The following STX8 variants were observed in gnomAD, a reference collection of about 807,000 sequenced individuals.
STX8 encodes syntaxin 8.
STX8 carries 23 observed loss-of-function variants against 37.5 expected under a neutral mutation model. That is an observed-to-expected ratio of 0.61 (90% CI 0.44 to 0.87). STX8 has a LOEUF of 0.87. Ranked by LOEUF, STX8 falls within the 40% of genes least tolerant of loss-of-function variation. The pLI, the probability that STX8 is intolerant of heterozygous loss-of-function variation, is 0.00. For missense variants in STX8, 313 were observed against 284.7 expected (o/e 1.10, Z -0.71); for synonymous variants, 115 against 99.1 (o/e 1.16, Z -0.95).
At chr17:9,380,870 G>A (rs1204473156) in intron 6 of STX8, among the ~76,000 whole-genome samples, 3 of 151,306 alleles carry the variant, frequency 2.0e-5, no homozygotes, top group Non-Finnish European at 2.9e-5. Flanking sequence ...CGCACCACCC[G>A]TAATTTTTGT....
At chr17:9,311,057 T>G (rs976924292) in intron 7 of STX8, among the ~76,000 whole-genome samples, 1 of 151,906 alleles carries the variant, frequency 6.6e-6, no homozygotes, top group Non-Finnish European at 1.5e-5. Flanking sequence ...ACCCACGTGG[T>G]GAAACCGCAT....
chr17:9,418,604 G>A (rs989192946), intron 6 of STX8, among the ~76,000 whole-genome samples: 6 of 151,182 alleles, frequency 4.0e-5, no homozygotes, highest in African/African-American at 1.5e-4. Flanking sequence ...TGAGGCAGGC[G>A]GATCATGAGA....
Position 9,507,747 on chromosome 17 carries a change from A to C in STX8, c.324-2585T>G, listed in dbSNP as rs987614614. ...ATAGCCCGGTGAACACATCCCTGGC[A>C]AAGTCATGCCACCACCACCACAAAG... On this transcript the variant is annotated intron_variant, in intron 4 of 7. Transcript: ENST00000306357. This position sits in a 1 kb window ranked among gnomAD's most constrained non-coding sequence, Gnocchi z 4.0. Among the ~76,000 whole-genome samples, 34 of 152,208 alleles carry C rather than the reference A, an allele frequency of 2.2e-4. No individual in the cohort carries two copies. Among genetic ancestry groups the C allele is most frequent in the African/African-American group, 7.5e-4 (31 of 41,458 alleles).
intron 6 of STX8, among the ~76,000 whole-genome samples, chr17:9,407,083 C>T (rs1413864700): frequency 2.0e-5 from 3 of 152,258 alleles, no homozygotes; most frequent in Middle Eastern, 3.4e-3. Context: ...GAATAATAAA[C>T]AGGTCAATAT....
At chr17:9,283,451 G>T (rs1234053275) in intron 7 of STX8, among the ~76,000 whole-genome samples, 1 of 152,190 alleles carries the variant, frequency 6.6e-6, no homozygotes, top group Non-Finnish European at 1.5e-5. Flanking sequence ...TGAGGCAGGA[G>T]AATCACTGAA....
At chr17:9,452,812 TC>T (rs142797715) in intron 6 of STX8, among the ~76,000 whole-genome samples, 37,481 of 149,342 alleles carry the variant, frequency 0.25, 5,987 homozygotes, top group East Asian at 0.69. Flanking sequence ...TGTTTTTTTT[TC>T]TTTTTAGACA....
chr17:9,252,621 A>AAAAG (rs1555582807), intron 7 of STX8, among the ~76,000 whole-genome samples: 8 of 151,632 alleles, frequency 5.3e-5, no homozygotes, highest in African/African-American at 1.7e-4. Flanking sequence ...AAAAAAAAAA[A>AAAAG]AAAAGAAAAC....
Position 9,568,233 on chromosome 17 carries a change from G to A in STX8, c.117+138C>T, listed in dbSNP as rs921664274. The A allele has an allele frequency of 8.2e-6, 5 of 609,044 alleles. No homozygotes were observed. In the African/African-American group the frequency reaches 9.3e-5, roughly 11 times the overall value. 37.7% of individuals were successfully genotyped at this position (609,044 alleles called of 1,614,324 possible). ...TTACATCACTACTAACTGGTTGGGT[G>A]TTATGTCAATTCAACATATGTAAGC... is the stretch of plus-strand genomic sequence containing the variant. On this transcript the variant is annotated intron_variant, in intron 2 of 7. Transcript: ENST00000306357.
At chr17:9,545,086 T>C in intron 4 of STX8, 86 bp downstream of exon 4, 1 of 789,194 alleles carries the variant, frequency 1.3e-6, no homozygotes, top group East Asian at 2.5e-5. Context: ...GATTAATTCC[T>C]AAAGTAAGCC....
At chr17:9,380,872 AATTTTTGT>A (rs1255234460) in intron 6 of STX8, among the ~76,000 whole-genome samples, 1 of 151,450 alleles carries the variant, frequency 6.6e-6, no homozygotes, top group East Asian at 2.0e-4. Flanking sequence ...CACCACCCGT[AATTTTTGT>A]ATTTTTGTAT....
At chr17:9,282,381 G>T (rs1235700043) in intron 7 of STX8, among the ~76,000 whole-genome samples, 1 of 152,108 alleles carries the variant, frequency 6.6e-6, no homozygotes, top group African/African-American at 2.4e-5. Context: ...TGATTCACTC[G>T]CCTCAGCCTC....
At position 9,547,120 on chromosome 17, in the gene STX8, C is replaced by T. The variant is rs148982100; in HGVS notation, c.213-1838G>A. Among the ~76,000 whole-genome samples the T allele has an allele frequency of 4.5e-3, 689 of 151,750 alleles. 13 individuals carry two copies. The highest frequency in any genetic ancestry group is 0.038 in the Admixed American group (578 of 15,258). On this transcript the variant is annotated intron_variant, in intron 3 of 7. Coordinates refer to ENST00000306357, the MANE Select transcript of STX8 (RefSeq NM_004853.3). Reference sequence around the variant, plus strand: ...AAAACTAGCCAGGCGTGGTGGCGTGCGCCTGTAGTCCCAGCTACTCGGGAG... The same window carrying T: ...AAAACTAGCCAGGCGTGGTGGCGTGTGCCTGTAGTCCCAGCTACTCGGGAG...
At chr17:9,505,005 T>G in intron 5 of STX8, 33 bp downstream of exon 5, 1 of 1,304,498 alleles carries the variant, frequency 7.7e-7, no homozygotes, top group South Asian at 1.5e-5. Context: ...CTGGCAAGGT[T>G]TCTGAGCCCA....
intron 6 of STX8, among the ~76,000 whole-genome samples, chr17:9,480,727 C>T (rs991320910): frequency 6.6e-6 from 1 of 152,142 alleles, no homozygotes; most frequent in Non-Finnish European, 1.5e-5. Flanking sequence ...TCCTAGCAGC[C>T]AGCCAAAGTC....
At chr17:9,315,886 T>C (rs930147653) in intron 7 of STX8, among the ~76,000 whole-genome samples, 2 of 151,852 alleles carry the variant, frequency 1.3e-5, no homozygotes. Flanking sequence ...TGGTGGTGTG[T>C]ACCTGTAGTC....
intron 6 of STX8, among the ~76,000 whole-genome samples, chr17:9,426,611 A>G (rs1390635457): frequency 3.3e-5 from 5 of 152,120 alleles, no homozygotes; most frequent in Non-Finnish European, 7.4e-5. Flanking sequence ...AATTTAAAAA[A>G]TTAGCCAGGC....
At chr17:9,267,228 G>T (rs1016382942) in intron 7 of STX8, among the ~76,000 whole-genome samples, 1 of 152,156 alleles carries the variant, frequency 6.6e-6, no homozygotes, top group Non-Finnish European at 1.5e-5. Flanking sequence ...CCTCTATGCC[G>T]AAAAGTGGGA....
chr17:9,342,774 G>A (rs142211442), intron 7 of STX8, among the ~76,000 whole-genome samples: 3 of 152,300 alleles, frequency 2.0e-5, no homozygotes, highest in African/African-American at 7.2e-5. Flanking sequence ...TGTAATCCCA[G>A]CACTTTGGGA....
At chr17:9,570,606 A>AAAACACAGAATTAAGG (rs761247162) in intron 1 of STX8, among the ~76,000 whole-genome samples, 6 of 152,044 alleles carry the variant, frequency 3.9e-5, no homozygotes, top group Non-Finnish European at 5.9e-5. Context: ...CAGAATTAAG[A>AAAACACAGAATTAAGG]AAACAGGAGG....
Sources: allele counts gnomAD v4.1 joint callset (sites outside exome capture counted in the v4.1 genomes callset), GRCh38; gene constraint gnomAD v4.1.1; non-coding constraint Gnocchi (gnomAD v3.1); transcripts MANE v1.5; gene names NCBI Gene and HGNC (gene_info 2026-07-23, HGNC 2026-07-21).